Variants in TROAP observed in about 807,000 individuals in gnomAD.
TROAP encodes the protein trophinin associated protein, also known as tastin.
A neutral mutation model predicts 83.4 loss-of-function variants in TROAP; 62 were observed. The ratio of observed to expected loss-of-function variants is 0.74; its 90% CI spans 0.61 to 0.92. The LOEUF (loss-of-function observed/expected upper bound fraction) is 0.92. Ranked by LOEUF, TROAP falls within the 40% of genes least tolerant of loss-of-function variation. The pLI is 0.00. For missense variants in TROAP, 876 were observed against 985.1 expected (o/e 0.89, Z 1.48); for synonymous variants, 352 against 386.4 (o/e 0.91, Z 1.04).
At position 49,324,293 on chromosome 12, in the gene TROAP, G is replaced by A. The variant is rs747783432; in HGVS notation, c.337+256G>A. 10 of 1,342,362 alleles carry A rather than the reference G, an allele frequency of 7.4e-6. No individual in the cohort carries two copies. The Admixed American group carries it at 1.2e-4, about 16-fold the overall frequency. The allele number at this position is 1,342,362 out of a possible 1,614,324, so 83.2% of individuals were successfully genotyped here. A position where few individuals can be genotyped will look rare whatever the true frequency, so the allele number is the denominator to read the frequency against. ...AGGCTGAAGCAGGAGGATCACTGGA[G>A]GCCAGGAGTTGGAGACCAGCCTGGA... is the stretch of plus-strand genomic sequence containing the variant. On this transcript the variant is annotated intron_variant, in intron 3 of 14. Transcript: ENST00000257909.
chr12:49,327,787 AAAT>A (rs751584977), intron 8 of TROAP, among the ~76,000 whole-genome samples: 5 of 151,724 alleles, frequency 3.3e-5, no homozygotes, highest in East Asian at 1.9e-4. Context: ...GTTCTCTCTA[AAAT>A]AATAATAATA....
At chr12:49,328,295 G>A (rs990199421) in intron 8 of TROAP, among the ~76,000 whole-genome samples, 9 of 131,176 alleles carry the variant, frequency 6.9e-5, no homozygotes, top group Admixed American at 1.9e-4. Context: ...CACGATCTCC[G>A]CTCATTGCAA....
In TROAP at chr12:49,329,463, C is replaced by T. The variant is rs1434543881; in HGVS notation, c.1164+9C>T. On this transcript the variant is annotated intron_variant, in intron 11 of 14. Coordinates refer to ENST00000257909, the MANE Select transcript of TROAP (RefSeq NM_005480.4). This position sits in a 1 kb window ranked among gnomAD's most constrained non-coding sequence, Gnocchi z 4.5. ...ATCCTGCCCTGCCCTGGGTAAGTAT[C>T]AGAAGCTTCCCCCTACTGAGATCCC... The T allele has an allele frequency of 5.6e-6, 9 of 1,604,472 alleles. No individual in the cohort carries two copies. The highest frequency in any genetic ancestry group is 7.7e-6 in the Non-Finnish European group (9 of 1,175,120).
At position 49,327,206 on chromosome 12, in the gene TROAP, T is replaced by C. The variant is rs750460331; in HGVS notation, c.770-3T>C. 2 of 1,614,000 alleles carry C rather than the reference T, an allele frequency of 1.2e-6. No homozygotes were observed. Among genetic ancestry groups the C allele is most frequent in the Non-Finnish European group, 1.7e-6 (2 of 1,179,908 alleles). On this transcript the variant is annotated splice_polypyrimidine_tract_variant and splice_region_variant and intron_variant, in intron 7 of 14. Coordinates refer to ENST00000257909, the MANE Select transcript of TROAP (RefSeq NM_005480.4). ...CTACAACAAATGTCCTGTTTCTTCC[T>C]AGCTTTCTCTCTTCCTAAAGGAGAA... is the stretch of plus-strand genomic sequence containing the variant.
chr12:49,326,310 G>A, intron 6 of TROAP, 152 bp downstream of exon 6: 1 of 780,876 alleles, frequency 1.3e-6, no homozygotes, highest in Non-Finnish European at 2.1e-6. Context: ...TACCCGGGAT[G>A]AGCCCTTGGG....
chr12:49,325,444 G>A (rs1256880391), intron 3 of TROAP, 57 bp from the exon 4 acceptor site: 7 of 1,550,818 alleles, frequency 4.5e-6, no homozygotes, highest in Admixed American at 3.8e-5. Context: ...TCCTATGCTA[G>A]GGGCCCTATC....
chr12:49,329,598 G>A lies in TROAP; in HGVS notation c.1164+144G>A, dbSNP rs1943549264. On this transcript the variant is annotated intron_variant, in intron 11 of 14. Coordinates refer to ENST00000257909, the MANE Select transcript of TROAP (RefSeq NM_005480.4). This position sits in a 1 kb window ranked among gnomAD's most constrained non-coding sequence, Gnocchi z 4.5. ...CCCAGCACTTTGGGAGGCTGAGGTA[G>A]GAGGATTGCTTGAGCTCAGATCTTT... The A allele has an allele frequency of 9.3e-7, 1 of 1,079,198 alleles. No homozygotes were observed. Among genetic ancestry groups the A allele is most frequent in the Non-Finnish European group, 1.3e-6 (1 of 749,040 alleles). 66.9% of individuals were successfully genotyped at this position (1,079,198 alleles called of 1,614,324 possible).
intron 14 of TROAP, 44 bp from the exon 15 acceptor site, chr12:49,331,529 G>A (rs1943583610): frequency 6.2e-7 from 1 of 1,614,184 alleles, no homozygotes; most frequent in Non-Finnish European, 8.5e-7. Context: ...CTTGGCTACA[G>A]TGCAAGGTTG....
chr12:49,329,738 T>C lies in TROAP; in HGVS notation c.1165-119T>C. 7.0e-7 allele frequency: 1 copy of C among 1,421,170 alleles called. No homozygotes were observed. The highest frequency in any genetic ancestry group is 9.5e-7 in the Non-Finnish European group (1 of 1,047,344). 88.0% of individuals were successfully genotyped at this position (1,421,170 alleles called of 1,614,324 possible). ...ACTGCTTCTCTGCTGCCCCTCCTAA[T>C]GTACATCTAGGGCCTCTCAGTTAGG... On this transcript the variant is annotated intron_variant, in intron 11 of 14. Coordinates refer to ENST00000257909, the MANE Select transcript of TROAP (RefSeq NM_005480.4). The surrounding 1 kb of genome is among the most constrained non-coding windows in gnomAD (Gnocchi z 4.5).
chr12:49,325,571 G>T lies in TROAP; in HGVS notation c.408G>T (p.Val136=), dbSNP rs1943485888. The T allele has an allele frequency of 6.2e-7, 1 of 1,614,046 alleles. No individual in the cohort carries two copies. Among genetic ancestry groups the T allele is most frequent in the Non-Finnish European group, 8.5e-7 (1 of 1,180,040 alleles). ...ALATILSGEG[V]KSCHLGRQPS... ...CCACCATCCTGTCAGGTGAGGGTGT[G>T]AAGAGCTGTCACCTGGGGCGCCAGC... is the stretch of plus-strand genomic sequence containing the variant. Residue 136 remains valine (V), a synonymous_variant, in exon 4 of 15, where the codon GTG becomes GTT. Transcript: ENST00000257909.
At chr12:49,326,609 C>G in intron 6 of TROAP, 59 bp from the exon 7 acceptor site, 1 of 1,505,712 alleles carries the variant, frequency 6.6e-7, no homozygotes, top group Non-Finnish European at 9.0e-7. Flanking sequence ...GCACTTAGCA[C>G]ATGTCCAGCT....
At chr12:49,330,107 A>G in intron 12 of TROAP, 38 bp from the exon 13 acceptor site, 1 of 1,608,380 alleles carries the variant, frequency 6.2e-7, no homozygotes, top group Non-Finnish European at 8.5e-7. Context: ...CTGAACGCAC[A>G]TCTTGATGTC....
intron 3 of TROAP, among the ~76,000 whole-genome samples, chr12:49,325,211 A>C (rs1425341720): frequency 6.6e-6 from 1 of 151,004 alleles, no homozygotes; most frequent in South Asian, 2.1e-4. Context: ...GAGCTACCGC[A>C]CCCAGCCAAT....
rs760577501 is a variant in TROAP at position 49,324,320 on chromosome 12, G to C, written c.337+283G>C. On this transcript the variant is annotated intron_variant, in intron 3 of 14. Coordinates refer to ENST00000257909, the MANE Select transcript of TROAP (RefSeq NM_005480.4). ...CCAGGAGTTGGAGACCAGCCTGGAT[G>C]ACAGAGGGAGATCCCATCTCTTTAA... The C allele has an allele frequency of 6.3e-6, 5 of 793,026 alleles. No individual in the cohort carries two copies. In the African/African-American group the frequency reaches 8.6e-5, roughly 14 times the overall value. 49.1% of individuals were successfully genotyped at this position (793,026 alleles called of 1,614,324 possible). A position where few individuals can be genotyped will look rare whatever the true frequency, so the allele number is the denominator to read the frequency against.
At position 49,323,836 on chromosome 12, in the gene TROAP, C is replaced by T. The variant is rs1422274086; in HGVS notation, c.145-9C>T. On this transcript the variant is annotated splice_polypyrimidine_tract_variant and intron_variant, in intron 2 of 14. Transcript: ENST00000257909. ...AACCTCACCTTTTTGTCCCCGCTCC[C>T]TCCCCTAGAGATGGGTGCAGAAACC... The T allele has an allele frequency of 3.7e-6, 6 of 1,613,970 alleles. No individual in the cohort carries two copies. Among genetic ancestry groups the T allele is most frequent in the Non-Finnish European group, 4.2e-6 (5 of 1,179,982 alleles).
Position 49,330,740 on chromosome 12 carries a change from C to A in TROAP, c.1895C>A (p.Pro632His). The A allele has an allele frequency of 6.2e-7, 1 of 1,613,982 alleles. No homozygotes were observed. Among genetic ancestry groups the A allele is most frequent in the Non-Finnish European group, 8.5e-7 (1 of 1,179,940 alleles). Residue 632 changes from proline (P) to histidine (H), a missense_variant, in exon 13 of 15, where the codon CCC becomes CAC. By Grantham distance (77) the Pro-to-His change is moderately conservative. Around this residue, in one of 3 missense-constraint regions of TROAP, gnomAD observed 184 missense variants for 238.3 expected, o/e 0.77. Coordinates refer to ENST00000257909, the MANE Select transcript of TROAP (RefSeq NM_005480.4). Reference sequence around the variant, plus strand: ...CCCAGCACCCAGGGGCAGTCTGGACCCCCAGGGCCCTGCCCTAGGGTAGAG... The same window carrying A: ...CCCAGCACCCAGGGGCAGTCTGGACACCCAGGGCCCTGCCCTAGGGTAGAG... ...LQPSTQGQSG[P>H]PGPCPRVELG...
chr12:49,323,521 A>G, intron 1 of TROAP, 83 bp from the exon 2 acceptor site: 1 of 1,542,740 alleles, frequency 6.5e-7, no homozygotes, highest in Non-Finnish European at 8.8e-7. Flanking sequence ...CGGAGGTATC[A>G]GGGATGGCAG....
chr12:49,331,373 C>T lies in TROAP; in HGVS notation c.2258C>T (p.Pro753Leu), dbSNP rs1943580920. The T allele has an allele frequency of 1.9e-6, 3 of 1,613,944 alleles. No individual in the cohort carries two copies. The highest frequency in any genetic ancestry group is 1.6e-4 in the Middle Eastern group (1 of 6,080). ...GGCCCCACCCGGGTCTGCACCAACC[C>T]TGTGGCTACATTACTCGAATGGCAG... ...PSGPTRVCTN[P>L]VATLLEWQDA... Residue 753 changes from proline (P) to leucine (L), a missense_variant, in exon 14 of 15, where the codon CCT becomes CTT. This residue lies in a region of TROAP where 184 missense variants were observed against 238.3 expected (regional missense o/e 0.77). Transcript: ENST00000257909.
rs1327212121 is a variant in TROAP, at chr12:49,327,201, C to T, written c.770-8C>T. The T allele has an allele frequency of 3.1e-6, 5 of 1,613,900 alleles. No homozygotes were observed. Among genetic ancestry groups the T allele is most frequent in the South Asian group, 1.1e-5 (1 of 91,040 alleles). ...AGAGTCTACAACAAATGTCCTGTTTCTTCCTAGCTTTCTCTCTTCCTAAAG... is the reference window on the plus strand; with the variant it reads ...AGAGTCTACAACAAATGTCCTGTTTTTTCCTAGCTTTCTCTCTTCCTAAAG... On this transcript the variant is annotated splice_polypyrimidine_tract_variant and splice_region_variant and intron_variant, in intron 7 of 14. Transcript: ENST00000257909.
Sources: allele counts gnomAD v4.1 joint callset (sites outside exome capture counted in the v4.1 genomes callset), GRCh38; gene constraint gnomAD v4.1.1; regional missense constraint gnomAD v4.1.1; non-coding constraint Gnocchi (gnomAD v3.1); transcripts MANE v1.5; gene names NCBI Gene and HGNC (gene_info 2026-07-23, HGNC 2026-07-21).